The following BLTP3A variants were observed in gnomAD, a reference collection of about 807,000 sequenced individuals.
BLTP3A encodes the protein bridge-like lipid transfer protein family member 3A.
At chr6:34,841,673 G>T in the BLTP3A span, among the ~76,000 whole-genome samples, 1 of 152,148 alleles carries the variant, frequency 6.6e-6, no homozygotes, top group Non-Finnish European at 1.5e-5. Context: ...CTATCCCTGG[G>T]TATTAGAGGT....
At chr6:34,864,266 G>T in the BLTP3A span, 3 of 1,428,038 alleles carry the variant, frequency 2.1e-6, no homozygotes, top group Non-Finnish European at 2.9e-6. Context: ...GCCTGTATCA[G>T]ACTGGCAGGG....
chr6:34,793,764 ATAACT>A, the BLTP3A span, among the ~76,000 whole-genome samples: 5 of 152,190 alleles, frequency 3.3e-5, no homozygotes, highest in South Asian at 2.1e-4. Context: ...AATGGAACAG[ATAACT>A]TAACCAGAGG....
the BLTP3A span, among the ~76,000 whole-genome samples, chr6:34,869,043 T>C: frequency 2.8e-4 from 43 of 152,238 alleles, no homozygotes; most frequent in East Asian, 7.7e-3. Context: ...TCTTGCTCTG[T>C]TGCCCAGGCT....
At chr6:34,857,062 G>T in the BLTP3A span, 6 of 1,240,568 alleles carry the variant, frequency 4.8e-6, no homozygotes, top group Admixed American at 8.1e-5. Context: ...AGTTTGGTCT[G>T]TTTCTTTCTG....
At chr6:34,869,671 G>A in the BLTP3A span, among the ~76,000 whole-genome samples, 1 of 71,896 alleles carries the variant, frequency 1.4e-5, no homozygotes, top group Non-Finnish European at 2.3e-5. Flanking sequence ...TTTTTTTTGA[G>A]GCAGAGTCTT....
the BLTP3A span, chr6:34,855,498 G>C: frequency 8.6e-7 from 1 of 1,160,598 alleles, no homozygotes; most frequent in African/African-American, 1.5e-5. Context: ...CCTTTTGGCT[G>C]CACCGTGTTA....
chr6:34,820,849 G>A, the BLTP3A span, among the ~76,000 whole-genome samples: 3 of 128,542 alleles, frequency 2.3e-5, no homozygotes, highest in Admixed American at 8.7e-5. Flanking sequence ...ATAGGGTCTC[G>A]CTGTGTTGCC....
the BLTP3A span, among the ~76,000 whole-genome samples, chr6:34,814,735 T>G: frequency 6.6e-6 from 1 of 152,160 alleles, no homozygotes; most frequent in Admixed American, 6.6e-5. Flanking sequence ...AAGAAAAAAT[T>G]TATTAATCTG....
the BLTP3A span, among the ~76,000 whole-genome samples, chr6:34,854,019 C>A: frequency 6.6e-6 from 1 of 152,000 alleles, no homozygotes; most frequent in Non-Finnish European, 1.5e-5. Flanking sequence ...CTCAGGAGTT[C>A]GAGACTAGCC....
chr6:34,856,734 A>G, the BLTP3A span: 6 of 1,579,280 alleles, frequency 3.8e-6, no homozygotes, highest in South Asian at 3.4e-5. Context: ...TCCTTATTCT[A>G]TTAGTAATGA....
chr6:34,867,573 G>A, the BLTP3A span: 1 of 1,613,724 alleles, frequency 6.2e-7, no homozygotes, highest in South Asian at 1.1e-5. Flanking sequence ...TCCAGCAGCT[G>A]GGCACCGTGG....
At chr6:34,794,428 G>A in the BLTP3A span, among the ~76,000 whole-genome samples, 1 of 152,200 alleles carries the variant, frequency 6.6e-6, no homozygotes, top group Non-Finnish European at 1.5e-5. Flanking sequence ...AATAAAACAT[G>A]AGGTATGGTT....
At chr6:34,800,056 C>G in the BLTP3A span, among the ~76,000 whole-genome samples, 1 of 151,926 alleles carries the variant, frequency 6.6e-6, no homozygotes, top group Non-Finnish European at 1.5e-5. Context: ...AGGAGAAAAC[C>G]AAAGTTGTTC....
At chr6:34,814,745 GGTTGA>G in the BLTP3A span, among the ~76,000 whole-genome samples, 1 of 152,138 alleles carries the variant, frequency 6.6e-6, no homozygotes, top group South Asian at 2.1e-4. Flanking sequence ...TTATTAATCT[GGTTGA>G]GTTGGTGAAG....
chr6:34,850,433 G>GA, the BLTP3A span, among the ~76,000 whole-genome samples: 1 of 152,126 alleles, frequency 6.6e-6, no homozygotes, highest in African/African-American at 2.4e-5. Context: ...TTATCCCTTT[G>GA]AGTGAACTTT....
chr6:34,795,027 T>C, the BLTP3A span, among the ~76,000 whole-genome samples: 1 of 152,094 alleles, frequency 6.6e-6, no homozygotes, highest in African/African-American at 2.4e-5. Flanking sequence ...GACCTCGTGA[T>C]CCACCTGCCT....
At chr6:34,868,173 G>A in the BLTP3A span, among the ~76,000 whole-genome samples, 1 of 152,078 alleles carries the variant, frequency 6.6e-6, no homozygotes, top group African/African-American at 2.4e-5. Flanking sequence ...GGGCGTGGTG[G>A]CGGGTGCCTG....
At chr6:34,794,435 G>A in the BLTP3A span, among the ~76,000 whole-genome samples, 1 of 152,170 alleles carries the variant, frequency 6.6e-6, no homozygotes, top group East Asian at 1.9e-4. Context: ...CATGAGGTAT[G>A]GTTATTTTTT....
At chr6:34,812,328 T>TAA in the BLTP3A span, among the ~76,000 whole-genome samples, 145 of 140,620 alleles carry the variant, frequency 1.0e-3, no homozygotes, top group Middle Eastern at 7.3e-3. Context: ...AACTCCGTCT[T>TAA]AAAAAAAAAA....
Sources: gnomAD v4.1 joint callset for allele counts (sites outside exome capture counted in the v4.1 genomes callset) on GRCh38, gnomAD v4.1.1 for gene constraint, MANE v1.5 for transcripts, NCBI Gene and HGNC (gene_info 2026-07-23, HGNC 2026-07-21) for gene names.